C15orf39: variants seen among roughly 807,000 people sequenced by gnomAD.
The protein encoded by C15orf39 is uncharacterized protein C15orf39.
C15orf39 carries 24 observed loss-of-function variants against 53.9 expected under a neutral mutation model. That is an observed-to-expected ratio of 0.45 (90% CI 0.32 to 0.63). The LOEUF (loss-of-function observed/expected upper bound fraction) is 0.63, where lower values mean the gene tolerates loss of function less well. Ranked by LOEUF, C15orf39 falls within the 20% of genes least tolerant of loss-of-function variation. The pLI is 0.04. For missense variants in C15orf39, 1,271 were observed against 1,347.9 expected, an observed-to-expected ratio of 0.94 and a Z score of 0.89; for synonymous variants, 569 against 576.5, an observed-to-expected ratio of 0.99 and a Z score of 0.19.
Position 75,210,739 on chromosome 15 carries a change from C to T in C15orf39, c.2777-10C>T, listed in dbSNP as rs1407372234. 5.0e-6 allele frequency: 8 copies of T among 1,592,532 alleles called. No individual in the cohort carries two copies. The highest frequency in any genetic ancestry group is 4.0e-5 in the African/African-American group (3 of 74,418). On this transcript the variant is annotated splice_polypyrimidine_tract_variant and intron_variant, in intron 2 of 2. Coordinates refer to ENST00000394987, the MANE Select transcript of C15orf39 (RefSeq NM_015492.5). ...GGGGTCTGCAGGCTGACTATGTGTT[C>T]GTTTTCCAGGTGACTTTGACACTGA...
At position 75,207,248 on chromosome 15, in the gene C15orf39, C is replaced by T. The variant is rs2070447226; in HGVS notation, c.1200C>T (p.Ser400=). The change falls in exon 2 of 3, where the codon TCC becomes TCT. Residue 400 remains serine (S), a synonymous_variant. Coordinates refer to ENST00000394987, the MANE Select transcript of C15orf39 (RefSeq NM_015492.5). ...CTGGGCTTGGAGGGACACCACCTTC[C>T]CAGAACAATGTGCGGGCTGTGCCAC... The part of the protein sequence containing the change: ...ASPGLGGTPP[S]QNNVRAVPQP... 1 of 1,613,692 alleles carries T rather than the reference C, an allele frequency of 6.2e-7. No homozygotes were observed. Among genetic ancestry groups the T allele is most frequent in the Non-Finnish European group, 8.5e-7 (1 of 1,180,004 alleles).
In C15orf39 at chr15:75,208,812, C is replaced by T. The variant is rs1280401592; in HGVS notation, c.2764C>T (p.Arg922Cys). Residue 922 changes from arginine (R) to cysteine (C), a missense_variant, in exon 2 of 3, where the codon CGC (arginine) becomes TGC (cysteine). This residue lies in a region of C15orf39 where 277 missense variants were observed against 354.1 expected (regional missense o/e 0.78). Transcript: ENST00000394987. ...LLGLQWRDCV[R>C]RQLGDFDTEA... is the part of the protein sequence containing the mutation. ...CGGCCTGCAGTGGCGCGACTGTGTA[C>T]GCCGCCAGCTGGGTGAGCATGGGGC... The T allele has an allele frequency of 1.3e-5, 21 of 1,597,482 alleles. No homozygotes were observed. The highest frequency in any genetic ancestry group is 1.5e-5 in the Non-Finnish European group (18 of 1,173,888).
Position 75,208,375 on chromosome 15 carries a change from A to T in C15orf39, c.2327A>T (p.Asp776Val). 6.3e-7 allele frequency: 1 copy of T among 1,598,046 alleles called. No individual in the cohort carries two copies. The highest frequency in any genetic ancestry group is 8.5e-7 in the Non-Finnish European group (1 of 1,172,540). Residue 776 changes from aspartate (D) to valine (V), a missense_variant, in exon 2 of 3, where the codon GAT becomes GTT. This residue lies in a region of C15orf39 where 994 missense variants were observed against 993.7 expected (regional missense o/e 1.00). Transcript: ENST00000394987. ...ACAGGACTACATGCGTCCCTGTGTGATGCTATTTCTGGCTCCGTCGCCCAC... is the reference window on the plus strand; with the variant it reads ...ACAGGACTACATGCGTCCCTGTGTGTTGCTATTTCTGGCTCCGTCGCCCAC... ...HFTGLHASLCDAISGSVAHSP... is the reference protein window; with the variant it reads ...HFTGLHASLCVAISGSVAHSP...
rs765194295 is a variant in C15orf39 at position 75,207,661 on chromosome 15, C to T, written c.1613C>T (p.Pro538Leu). 4 of 1,611,598 alleles carry T rather than the reference C, an allele frequency of 2.5e-6. No individual in the cohort carries two copies. Among genetic ancestry groups the T allele is most frequent in the Non-Finnish European group, 3.4e-6 (4 of 1,178,892 alleles). ...GCCACAGCTGAGCCTGACTCAGCCCCAGCCACCAGTGAAGGTCAGGACAAA... is the reference window on the plus strand; with the variant it reads ...GCCACAGCTGAGCCTGACTCAGCCCTAGCCACCAGTGAAGGTCAGGACAAA... ...DSATAEPDSA[P>L]ATSEGQDKGC... Residue 538 changes from proline (P) to leucine (L), a missense_variant, in exon 2 of 3, where the codon CCA (proline) becomes CTA (leucine). Physicochemically the swap from Pro to Leu is moderately conservative, Grantham distance 98. Transcript: ENST00000394987.
rs948072131 is a variant in C15orf39, at chr15:75,202,064, G to C, written c.-51+5G>C. 1.3e-5 allele frequency: 2 copies of C among 152,080 alleles called. No homozygotes were observed. Among genetic ancestry groups the C allele is most frequent in the Non-Finnish European group, 2.9e-5 (2 of 68,010 alleles). The allele number at this position is 152,080 out of a possible 1,614,324, so 9.4% of individuals were successfully genotyped here. A position where few individuals can be genotyped will look rare whatever the true frequency, so the allele number is the denominator to read the frequency against. Reference sequence around the variant, plus strand: ...GGGAGTCCTGGCGCTCTGCAGGTAGGAGCTCGCCCGCTCGGCGGGCGCGGA... The same window carrying C: ...GGGAGTCCTGGCGCTCTGCAGGTAGCAGCTCGCCCGCTCGGCGGGCGCGGA... On this transcript the variant is annotated splice_donor_5th_base_variant and intron_variant, in intron 1 of 2. Coordinates refer to ENST00000394987, the MANE Select transcript of C15orf39 (RefSeq NM_015492.5).
intron 2 of C15orf39, chr15:75,209,721 C>G (rs1429890596): frequency 6.6e-6 from 1 of 152,226 alleles, no homozygotes; most frequent in Non-Finnish European, 1.5e-5. Flanking sequence ...CCCTGCTGCC[C>G]CCAATTCCAC....
At position 75,207,655 on chromosome 15, in the gene C15orf39, C is replaced by G; in HGVS notation, c.1607C>G (p.Ser536Ter). 1 of 1,611,618 alleles carries G rather than the reference C, an allele frequency of 6.2e-7. No individual in the cohort carries two copies. The highest frequency in any genetic ancestry group is 1.3e-5 in the African/African-American group (1 of 75,042). The part of the protein sequence containing the change: ...EPDSATAEPD[S>*]APATSEGQDK... Reference sequence around the variant, plus strand: ...GACTCTGCCACAGCTGAGCCTGACTCAGCCCCAGCCACCAGTGAAGGTCAG... The same window carrying G: ...GACTCTGCCACAGCTGAGCCTGACTGAGCCCCAGCCACCAGTGAAGGTCAG... The change falls in exon 2 of 3, where the codon TCA becomes TGA. Residue 536 changes from serine (S) to a stop codon, truncating the protein, a stop_gained. Coordinates refer to ENST00000394987, the MANE Select transcript of C15orf39 (RefSeq NM_015492.5). LOFTEE classifies it high-confidence loss of function.
In C15orf39 at chr15:75,211,094, A is replaced by G; in HGVS notation, c.3122A>G (p.Asp1041Gly). Residue 1041 changes from aspartate (D) to glycine (G), a missense_variant, in exon 3 of 3, where the codon GAC (aspartate) becomes GGC (glycine). Asp to Gly is a moderately conservative substitution (Grantham distance 94, BLOSUM62 -1). This residue lies in a region of C15orf39 where 277 missense variants were observed against 354.1 expected (regional missense o/e 0.78). Coordinates refer to ENST00000394987, the MANE Select transcript of C15orf39 (RefSeq NM_015492.5). The stretch of plus-strand genomic sequence containing the variant: ...CCCTCACCCTGCCCACAGCTGCTGG[A>G]CAGCCAGAGCCATCACCTGTAGCAC... ...DQPSPCPQLL[D>G]SQSHHL 1 of 1,599,336 alleles carries G rather than the reference A, an allele frequency of 6.3e-7. No homozygotes were observed. The highest frequency in any genetic ancestry group is 8.5e-7 in the Non-Finnish European group (1 of 1,179,416).
rs767308020 is a variant in C15orf39, at chr15:75,210,985, C to T, written c.3013C>T (p.Arg1005Cys). ...CCCACCTGGCCCCACACTGAAGGCC[C>T]GCTTCCGCAGTCTGCTGGAGACCGC... ...ASPPGPTLKA[R>C]FRSLLETAWL... The change falls in exon 3 of 3, where the codon CGC becomes TGC. Residue 1005 changes from arginine (R) to cysteine (C), a missense_variant. Physicochemically the swap from Arg to Cys is radical, Grantham distance 180. Coordinates refer to ENST00000394987, the MANE Select transcript of C15orf39 (RefSeq NM_015492.5). The T allele has an allele frequency of 4.9e-5, 79 of 1,613,016 alleles. No homozygotes were observed. The East Asian group carries it at 6.7e-4, about 14-fold the overall frequency.
In C15orf39 at chr15:75,207,092, C is replaced by T; in HGVS notation, c.1044C>T (p.Ala348=). The T allele has an allele frequency of 6.2e-7, 1 of 1,613,152 alleles. No individual in the cohort carries two copies. Among genetic ancestry groups the T allele is most frequent in the Middle Eastern group, 1.7e-4 (1 of 6,060 alleles). The change falls in exon 2 of 3, where the codon GCC becomes GCT. Residue 348 remains alanine (A), a synonymous_variant. Transcript: ENST00000394987. ...TGGACGCTTACCCCTACCCCTCTGC[C>T]CCTCTCCCAGCACCCTCTCCAGGCC... ...LGLDAYPYPS[A]PLPAPSPGLK...
rs200021818 is a variant in C15orf39 at position 75,208,589 on chromosome 15, C to T, written c.2541C>T (p.His847=). ...VRAGAIFVPI[H]LVKERLFPRL... ...CTGGCGCCATCTTCGTGCCCATTCA[C>T]CTGGTGAAGGAGCGGCTCTTCCCTC... Residue 847 remains histidine, a synonymous_variant, in exon 2 of 3, where the codon CAC becomes CAT. Coordinates refer to ENST00000394987, the MANE Select transcript of C15orf39 (RefSeq NM_015492.5). The T allele has an allele frequency of 1.9e-4, 294 of 1,579,270 alleles. No individual in the cohort carries two copies. Among genetic ancestry groups the T allele is most frequent in the Admixed American group, 8.5e-4 (46 of 54,320 alleles).
At chr15:75,210,237 G>A (rs900777765) in intron 2 of C15orf39, among the ~76,000 whole-genome samples, 2 of 152,178 alleles carry the variant, frequency 1.3e-5, no homozygotes, top group Non-Finnish European at 2.9e-5. Context: ...CCCACCTTGG[G>A]GGCCGTTTTT....
At position 75,206,074 on chromosome 15, in the gene C15orf39, C is replaced by T; in HGVS notation, c.26C>T (p.Thr9Ile). 5 of 1,610,826 alleles carry T rather than the reference C, an allele frequency of 3.1e-6. No individual in the cohort carries two copies. The highest frequency in any genetic ancestry group is 4.2e-6 in the Non-Finnish European group (5 of 1,178,456). Residue 9 changes from threonine to isoleucine, a missense_variant, in exon 2 of 3, where the codon ACC becomes ATC. This residue lies in a region of C15orf39 where 994 missense variants were observed against 993.7 expected (regional missense o/e 1.00). Transcript: ENST00000394987. MAEKRPLR[T>I]LGPVMYGKLP... is the part of the protein sequence containing the mutation. ...ATGGCAGAGAAGCGACCCCTGAGAA[C>T]CCTGGGGCCTGTGATGTATGGCAAG...
Position 75,207,482 on chromosome 15 carries a change from C to T in C15orf39, c.1434C>T (p.Pro478=). Residue 478 remains proline (P), a synonymous_variant, in exon 2 of 3, where the codon CCC becomes CCT. Transcript: ENST00000394987. The part of the protein sequence containing the change: ...PVPCTPPALP[P]CARECQSLPQ... ...CCTGTACCCCCCCAGCACTGCCCCC[C>T]TGTGCCCGGGAGTGCCAGTCTCTTC... The T allele has an allele frequency of 1.9e-6, 3 of 1,613,710 alleles. No individual in the cohort carries two copies. Among genetic ancestry groups the T allele is most frequent in the Non-Finnish European group, 2.5e-6 (3 of 1,180,008 alleles).
rs1426499150 is a variant in C15orf39 at position 75,208,837 on chromosome 15, C to T, written c.2776+13C>T. 6.3e-7 allele frequency: 1 copy of T among 1,577,542 alleles called. No individual in the cohort carries two copies. The highest frequency in any genetic ancestry group is 2.2e-5 in the East Asian group (1 of 44,484). The stretch of plus-strand genomic sequence containing the variant: ...CGCCGCCAGCTGGGTGAGCATGGGG[C>T]AGCCCCAGTGGCCACCGGAGCTGTG... On this transcript the variant is annotated intron_variant, in intron 2 of 2. Coordinates refer to ENST00000394987, the MANE Select transcript of C15orf39 (RefSeq NM_015492.5).
Position 75,204,412 on chromosome 15 carries a change from A to C in C15orf39, c.-50-1587A>C, listed in dbSNP as rs1158793876. On this transcript the variant is annotated intron_variant, in intron 1 of 2. Transcript: ENST00000394987. ...AGCACATAGTTTTTCCATCAATACA[A>C]TGGGAGTAGTGGCTAAGTAGCACTC... Among the ~76,000 whole-genome samples the C allele has an allele frequency of 1.3e-4, 20 of 152,132 alleles. 1 individual carries two copies. Among genetic ancestry groups the C allele is most frequent in the Admixed American group, 1.3e-3 (20 of 15,280 alleles).
At position 75,207,992 on chromosome 15, in the gene C15orf39, C is replaced by T. The variant is rs778369292; in HGVS notation, c.1944C>T (p.Ala648=). ...MPRTNFHSSV[A]FMFRKFKILR... ...GGACCAACTTCCACAGCTCTGTGGCCTTCATGTTCCGAAAGTTCAAGATCC... is the reference window on the plus strand; with the variant it reads ...GGACCAACTTCCACAGCTCTGTGGCTTTCATGTTCCGAAAGTTCAAGATCC... The change falls in exon 2 of 3, where the codon GCC becomes GCT. Residue 648 remains alanine (A), a synonymous_variant. Coordinates refer to ENST00000394987, the MANE Select transcript of C15orf39 (RefSeq NM_015492.5). 6.2e-7 allele frequency: 1 copy of T among 1,614,054 alleles called. No individual in the cohort carries two copies. Among genetic ancestry groups the T allele is most frequent in the Admixed American group, 1.7e-5 (1 of 60,036 alleles).
rs143834868 is a variant in C15orf39, at chr15:75,208,188, G to A, written c.2140G>A (p.Val714Ile). Residue 714 changes from valine to isoleucine, a missense_variant, in exon 2 of 3, where the codon GTA (valine) becomes ATA (isoleucine). Around this residue, in one of 2 missense-constraint regions of C15orf39, gnomAD observed 994 missense variants for 993.7 expected, o/e 1.00. Coordinates refer to ENST00000394987, the MANE Select transcript of C15orf39 (RefSeq NM_015492.5). ...CCTGGCACTGCCCAGCCCTCCAGCC[G>A]TAGCTGTGGCCTCCCCTGCCCCTGC... ...FSLALPSPPA[V>I]AVASPAPAPA... The A allele has an allele frequency of 1.1e-4, 171 of 1,613,754 alleles. No individual in the cohort carries two copies. Among genetic ancestry groups the A allele is most frequent in the African/African-American group, 5.6e-4 (42 of 74,996 alleles).
At position 75,206,534 on chromosome 15, in the gene C15orf39, G is replaced by C; in HGVS notation, c.486G>C (p.Ala162=). Residue 162 remains alanine, a synonymous_variant, in exon 2 of 3, where the codon GCG becomes GCC. Coordinates refer to ENST00000394987, the MANE Select transcript of C15orf39 (RefSeq NM_015492.5). ...CACTGGATGTTGACTGGACTCTGGC[G>C]ACTGGGCCCCTGTTGCCCTCAGCTG... ...KRPLDVDWTL[A]TGPLLPSADP... The C allele has an allele frequency of 6.2e-7, 1 of 1,614,028 alleles. No individual in the cohort carries two copies. Among genetic ancestry groups the C allele is most frequent in the Non-Finnish European group, 8.5e-7 (1 of 1,179,972 alleles).
Sources: gnomAD v4.1 joint callset for allele counts (sites outside exome capture counted in the v4.1 genomes callset) on GRCh38, gnomAD v4.1.1 for gene constraint, gnomAD v4.1.1 regional missense constraint, MANE v1.5 for transcripts, NCBI Gene and HGNC (gene_info 2026-07-23, HGNC 2026-07-21) for gene names.